The following TMEM41B variants were observed in gnomAD, a reference collection of about 807,000 sequenced individuals.
The protein encoded by TMEM41B is transmembrane protein 41B.
Under a neutral mutation model 31.9 loss-of-function variants are expected in TMEM41B, and 18 were observed. The ratio of observed to expected loss-of-function variants is 0.56; its 90% CI spans 0.39 to 0.84. TMEM41B has a LOEUF of 0.84. Ranked by LOEUF, TMEM41B falls within the 40% of genes least tolerant of loss-of-function variation. The pLI is 0.00. For synonymous variants in TMEM41B, 144 were observed against 124.3 expected (o/e 1.16, Z -1.05); for missense variants, 322 against 348.0 (o/e 0.93, Z 0.59).
At chr11:9,303,267 T>A (rs1853299793) in intron 1 of TMEM41B, among the ~76,000 whole-genome samples, 1 of 152,056 alleles carries the variant, frequency 6.6e-6, no homozygotes, top group African/African-American at 2.4e-5. Context: ...GCCTCCCAAG[T>A]AGCCGGGATT....
intron 1 of TMEM41B, among the ~76,000 whole-genome samples, chr11:9,313,700 A>G (rs574312850): frequency 1.3e-5 from 2 of 152,326 alleles, no homozygotes; most frequent in African/African-American, 4.8e-5. Flanking sequence ...CCCACTTCAT[A>G]TCCAAGCATT....
chr11:9,299,321 T>TACACACACACACACACACAC (rs1303303364), intron 2 of TMEM41B, among the ~76,000 whole-genome samples: 13 of 10,510 alleles, frequency 1.2e-3, no homozygotes, highest in East Asian at 8.2e-3. Flanking sequence ...TATATATACA[T>TACACACACACACACACACAC]ACATACACAC....
intron 2 of TMEM41B, among the ~76,000 whole-genome samples, chr11:9,298,395 G>A (rs1230215475): frequency 6.7e-6 from 1 of 150,320 alleles, no homozygotes; most frequent in Non-Finnish European, 1.5e-5. Context: ...GGAGGTGGAG[G>A]TTGCAGTGGG....
intron 2 of TMEM41B, among the ~76,000 whole-genome samples, chr11:9,297,099 T>G (rs922673743): frequency 2.0e-5 from 3 of 152,098 alleles, no homozygotes; most frequent in Non-Finnish European, 2.9e-5. Context: ...GTTGTTGTTT[T>G]TTTTAGATAG....
intron 3 of TMEM41B, among the ~76,000 whole-genome samples, chr11:9,294,600 TAA>T (rs759083292): frequency 5.9e-5 from 9 of 151,800 alleles, no homozygotes; most frequent in Non-Finnish European, 1.2e-4. Flanking sequence ...TGGATAAGAA[TAA>T]AAGATATTAA....
rs1001776379 is a variant in TMEM41B, at chr11:9,282,411, G to C, written c.*1013C>G. 4 of 151,670 alleles carry C rather than the reference G, an allele frequency of 2.6e-5. No homozygotes were observed. The highest frequency in any genetic ancestry group is 9.7e-5 in the African/African-American group (4 of 41,382). The allele number at this position is 151,670 out of a possible 1,614,324, so 9.4% of individuals were successfully genotyped here. On this transcript the variant is annotated 3_prime_UTR_variant, in exon 7 of 7. Transcript: ENST00000528080. ...AAAAAAAATTATCAATACCAAATAT[G>C]ATACAGTTATGTAATACCCATTTTG...
chr11:9,307,028 T>C, intron 1 of TMEM41B, among the ~76,000 whole-genome samples: 1 of 152,328 alleles, frequency 6.6e-6, no homozygotes, highest in Non-Finnish European at 1.5e-5. Context: ...TCTTCAATTT[T>C]TCCCTCTTAC....
intron 1 of TMEM41B, among the ~76,000 whole-genome samples, 192 bp from the exon 2 acceptor site, chr11:9,299,893 G>A (rs1433724145): frequency 2.0e-5 from 3 of 152,138 alleles, no homozygotes; most frequent in African/African-American, 7.2e-5. Context: ...GCCGAGGCAG[G>A]TAGATCACTT....
At chr11:9,299,310 G>GTATA (rs1853183326) in intron 2 of TMEM41B, among the ~76,000 whole-genome samples, 1 of 16,756 alleles carries the variant, frequency 6.0e-5, no homozygotes, top group Non-Finnish European at 1.6e-4. Flanking sequence ...AAAAAAGAAA[G>GTATA]TATATATACA....
chr11:9,299,317 T>TACACAC (rs1457472229), intron 2 of TMEM41B, among the ~76,000 whole-genome samples: 1 of 14,384 alleles, frequency 7.0e-5, no homozygotes, highest in Non-Finnish European at 3.0e-4. Context: ...AAAGTATATA[T>TACACAC]ACATACATAC....
At chr11:9,306,082 C>A (rs1286942847) in intron 1 of TMEM41B, among the ~76,000 whole-genome samples, 6 of 150,450 alleles carry the variant, frequency 4.0e-5, no homozygotes, top group African/African-American at 1.5e-4. Flanking sequence ...GGGTTCAAGC[C>A]ATTCTCCTGC....
In TMEM41B at chr11:9,314,587, G is replaced by C. The variant is rs1393161169; in HGVS notation, c.-146C>G. 7 of 1,167,434 alleles carry C rather than the reference G, an allele frequency of 6.0e-6. No homozygotes were observed. Among genetic ancestry groups the C allele is most frequent in the Non-Finnish European group, 8.2e-6 (7 of 858,036 alleles). 72.3% of individuals were successfully genotyped at this position (1,167,434 alleles called of 1,614,324 possible). ...ACCCGAGACGACCTCAGCCCAGCGAGTACTGCAACCTCCTGCAAACACCCG... is the reference window on the plus strand; with the variant it reads ...ACCCGAGACGACCTCAGCCCAGCGACTACTGCAACCTCCTGCAAACACCCG... On this transcript the variant is annotated 5_prime_UTR_variant, in exon 1 of 7. Transcript: ENST00000528080.
chr11:9,311,610 G>T, intron 1 of TMEM41B: 1 of 1,004,666 alleles, frequency 1.0e-6, no homozygotes, highest in Non-Finnish European at 1.5e-6. Context: ...TGGTGAGTGG[G>T]CAGGATTGGA....
intron 1 of TMEM41B, among the ~76,000 whole-genome samples, chr11:9,307,213 A>G (rs373550246): frequency 4.6e-5 from 7 of 152,276 alleles, no homozygotes; most frequent in East Asian, 3.9e-4. Flanking sequence ...TTAGTTTTCA[A>G]TATTCAGTGT....
At chr11:9,311,289 T>C (rs1853554771) in intron 1 of TMEM41B, 25 of 1,516,996 alleles carry the variant, frequency 1.6e-5, no homozygotes, top group Non-Finnish European at 2.2e-5. Flanking sequence ...TCAGTCAGAA[T>C]CACTGCTGGA....
At chr11:9,304,428 T>TA (rs1469170997) in intron 1 of TMEM41B, among the ~76,000 whole-genome samples, 2 of 152,136 alleles carry the variant, frequency 1.3e-5, no homozygotes, top group Admixed American at 1.3e-4. Flanking sequence ...TCCAATTGAA[T>TA]AAAAAACGTT....
At chr11:9,284,725 T>C (rs4910447) in intron 6 of TMEM41B, among the ~76,000 whole-genome samples, 23,101 of 151,324 alleles carry the variant, frequency 0.15, 2,011 homozygotes, top group Non-Finnish European at 0.2. Flanking sequence ...ATCACGCCAC[T>C]GCACTCCAGC....
chr11:9,301,385 T>C (rs1039287576), intron 1 of TMEM41B, among the ~76,000 whole-genome samples: 4 of 152,126 alleles, frequency 2.6e-5, no homozygotes, highest in African/African-American at 9.7e-5. Flanking sequence ...AAATGTATAC[T>C]ATAATTCAGA....
intron 1 of TMEM41B, among the ~76,000 whole-genome samples, chr11:9,306,574 T>C (rs1260212758): frequency 1.3e-5 from 2 of 151,966 alleles, no homozygotes; most frequent in Non-Finnish European, 2.9e-5. Flanking sequence ...TAGTCCCAGC[T>C]ACTCAGGATG....
Sources: allele counts gnomAD v4.1 joint callset (sites outside exome capture counted in the v4.1 genomes callset), GRCh38; gene constraint gnomAD v4.1.1; transcripts MANE v1.5; gene names NCBI Gene and HGNC (gene_info 2026-07-23, HGNC 2026-07-21).